MCF2L2: variants seen among roughly 807,000 people sequenced by gnomAD.
The protein encoded by MCF2L2 is MCF.2 cell line derived transforming sequence-like 2.
In MCF2L2, 102 loss-of-function variants were observed where a neutral mutation model predicts 150.2. The ratio of observed to expected loss-of-function variants is 0.68; its 90% CI spans 0.58 to 0.80. MCF2L2 has a LOEUF of 0.80. Ranked by LOEUF, MCF2L2 falls within the 30% of genes least tolerant of loss-of-function variation. The pLI is 0.00. For synonymous variants in MCF2L2, 465 were observed against 491.3 expected, an observed-to-expected ratio of 0.95 and a Z score of 0.71; for missense variants, 1,256 against 1,372.8, an observed-to-expected ratio of 0.91 and a Z score of 1.34.
intron 27 of MCF2L2, 132 bp from the exon 28 acceptor site, chr3:183,180,291 G>T: frequency 1.5e-6 from 1 of 681,884 alleles, no homozygotes; most frequent in Non-Finnish European, 2.6e-6. Context: ...CTCTCCAAGG[G>T]CCTGCACTGC....
chr3:183,411,616 CTTTTTTT>C (rs5854983), intron 1 of MCF2L2, among the ~76,000 whole-genome samples: 1 of 142,854 alleles, frequency 7.0e-6, no homozygotes, highest in Non-Finnish European at 1.5e-5. Flanking sequence ...CTACTTGAAG[CTTTTTTT>C]TTTTTTTAAT....
intron 19 of MCF2L2, among the ~76,000 whole-genome samples, chr3:183,223,773 CAG>C (rs1337052296): frequency 1.3e-5 from 2 of 152,152 alleles, no homozygotes; most frequent in African/African-American, 4.8e-5. Flanking sequence ...TGGGGGCTGC[CAG>C]AGTCTATTCA....
Position 183,234,448 on chromosome 3 carries a change from G to C in MCF2L2, c.1863-3431C>G, listed in dbSNP as rs147851428. 7.2e-3 allele frequency among the ~76,000 whole-genome samples: 1,098 copies of C among 152,098 alleles called. 7 individuals are homozygous for C. Among genetic ancestry groups the C allele is most frequent in the Non-Finnish European group, 9.8e-3 (663 of 67,992 alleles). On this transcript the variant is annotated intron_variant, in intron 15 of 29. Coordinates refer to ENST00000328913, the MANE Select transcript of MCF2L2 (RefSeq NM_015078.4). Reference sequence around the variant, plus strand: ...TTGGTCATATTCTGGATTACAGTTTGGAAAAAAAGTCTAGAAATCTCATCC... The same window carrying C: ...TTGGTCATATTCTGGATTACAGTTTCGAAAAAAAGTCTAGAAATCTCATCC...
intron 3 of MCF2L2, among the ~76,000 whole-genome samples, chr3:183,342,555 A>C (rs910186125): frequency 6.6e-6 from 1 of 150,644 alleles, no homozygotes; most frequent in African/African-American, 2.4e-5. Flanking sequence ...AGTTTCTCAG[A>C]CTCTTCGTTT....
rs182935230 is a variant in MCF2L2 at position 183,342,423 on chromosome 3, C to T, written c.276-793G>A. ...TCTCTGTAAAATGAGAATCATATTACCAGTAATGAGATGGTTAAAAGCACA... is the reference window on the plus strand; with the variant it reads ...TCTCTGTAAAATGAGAATCATATTATCAGTAATGAGATGGTTAAAAGCACA... On this transcript the variant is annotated intron_variant, in intron 3 of 29. Transcript: ENST00000328913. 1.1e-4 allele frequency among the ~76,000 whole-genome samples: 17 copies of T among 152,068 alleles called. No individual in the cohort carries two copies. In the East Asian group the frequency reaches 2.9e-3, roughly 26 times the overall value.
intron 3 of MCF2L2, among the ~76,000 whole-genome samples, chr3:183,343,624 T>C (rs937087130): frequency 6.6e-6 from 1 of 151,782 alleles, no homozygotes; most frequent in African/African-American, 2.4e-5. Flanking sequence ...CCCACCTCAA[T>C]CCCCAAAGTG....
rs374988342 is a variant in MCF2L2, at chr3:183,201,982, C to T, written c.2884+3894G>A. On this transcript the variant is annotated intron_variant, in intron 25 of 29. Coordinates refer to ENST00000328913, the MANE Select transcript of MCF2L2 (RefSeq NM_015078.4). ...GGAAAATGGCTGTGTCTCAGTATGA[C>T]TAATGAGCTTTTTAACTTGCCCTAT... is the stretch of plus-strand genomic sequence containing the variant. 3.3e-5 allele frequency among the ~76,000 whole-genome samples: 5 copies of T among 152,258 alleles called. No individual in the cohort carries two copies. In the South Asian group the frequency reaches 6.2e-4, roughly 19 times the overall value.
intron 5 of MCF2L2, 85 bp from the exon 6 acceptor site, chr3:183,323,436 A>G: frequency 5.5e-6 from 3 of 545,832 alleles, no homozygotes; most frequent in Non-Finnish European, 9.3e-6. Context: ...TCATAATTAT[A>G]TTTTATATTC....
intron 10 of MCF2L2, among the ~76,000 whole-genome samples, chr3:183,307,329 G>A (rs916547164): frequency 6.6e-6 from 1 of 152,190 alleles, no homozygotes; most frequent in African/African-American, 2.4e-5. Flanking sequence ...ATCTGAAGAA[G>A]CCATGTGTCT....
At chr3:183,303,980 GT>G (rs1728979712) in intron 10 of MCF2L2, among the ~76,000 whole-genome samples, 1 of 152,028 alleles carries the variant, frequency 6.6e-6, no homozygotes, top group African/African-American at 2.4e-5. Flanking sequence ...TCCACTTATT[GT>G]TCCCCAAATA....
At chr3:183,246,964 C>CAAG (rs1724287315) in intron 15 of MCF2L2, among the ~76,000 whole-genome samples, 1 of 152,184 alleles carries the variant, frequency 6.6e-6, no homozygotes, top group African/African-American at 2.4e-5. Context: ...AAATCCCTAA[C>CAAG]AAGAACTCCT....
chr3:183,335,412 A>C (rs1730437188), intron 5 of MCF2L2, among the ~76,000 whole-genome samples: 1 of 152,224 alleles, frequency 6.6e-6, no homozygotes, highest in Non-Finnish European at 1.5e-5. Context: ...TTCTAAACAT[A>C]CATATACACT....
At chr3:183,403,583 C>A (rs1480152887) in intron 1 of MCF2L2, among the ~76,000 whole-genome samples, 2 of 152,196 alleles carry the variant, frequency 1.3e-5, no homozygotes, top group Non-Finnish European at 1.5e-5. Context: ...GGGCTGGCAC[C>A]TTTGTGGATC....
intron 15 of MCF2L2, among the ~76,000 whole-genome samples, chr3:183,259,185 T>C (rs1190546525): frequency 6.6e-6 from 1 of 152,190 alleles, no homozygotes; most frequent in Admixed American, 6.5e-5. Flanking sequence ...TTAGTCAGTT[T>C]TTCTGGGGCA....
intron 3 of MCF2L2, among the ~76,000 whole-genome samples, chr3:183,360,228 T>C (rs1232061067): frequency 6.6e-6 from 1 of 152,120 alleles, no homozygotes; most frequent in East Asian, 1.9e-4. Context: ...AAACCCACTG[T>C]TAATGAGGCA....
chr3:183,361,718 C>G (rs1322128197), intron 3 of MCF2L2, among the ~76,000 whole-genome samples: 1 of 152,204 alleles, frequency 6.6e-6, no homozygotes, highest in Non-Finnish European at 1.5e-5. Context: ...TACAGTTACT[C>G]TGAACACATT....
intron 1 of MCF2L2, among the ~76,000 whole-genome samples, chr3:183,414,451 G>A (rs751742179): frequency 6.6e-6 from 1 of 151,948 alleles, no homozygotes; most frequent in Middle Eastern, 3.4e-3. Flanking sequence ...AGTCATTTAC[G>A]CCTTCTCTTT....
Position 183,401,418 on chromosome 3 carries a change from T to A in MCF2L2, c.77-11639A>T, listed in dbSNP as rs573205702. Reference sequence around the variant, plus strand: ...CCAACAAGAAACTGGAAGACTTTTTTAAAAAAAAAATTTTTTTAAAGGTTT... The same window carrying A: ...CCAACAAGAAACTGGAAGACTTTTTAAAAAAAAAAATTTTTTTAAAGGTTT... On this transcript the variant is annotated intron_variant, in intron 1 of 29. Coordinates refer to ENST00000328913, the MANE Select transcript of MCF2L2 (RefSeq NM_015078.4). Among the ~76,000 whole-genome samples, 931 of 151,778 alleles carry A rather than the reference T, an allele frequency of 6.1e-3. 7 individuals carry two copies. The highest frequency in any genetic ancestry group is 0.019 in the African/African-American group (804 of 41,440).
rs1721461453 is a variant in MCF2L2, at chr3:183,179,979, G to A, written c.3105+92C>T. ...TTATGGGTGAGAATCCTGAGGAGGG[G>A]GAGAGGGATGGAGGCTAGGGACAGG... On this transcript the variant is annotated intron_variant, in intron 28 of 29. Transcript: ENST00000328913. The surrounding 1 kb of genome is among the most constrained non-coding windows in gnomAD (Gnocchi z 4.2). 2.9e-6 allele frequency: 3 copies of A among 1,034,696 alleles called. No individual in the cohort carries two copies. Among genetic ancestry groups the A allele is most frequent in the Middle Eastern group, 2.1e-4 (1 of 4,666 alleles). 64.1% of individuals were successfully genotyped at this position (1,034,696 alleles called of 1,614,324 possible).
Sources: gnomAD v4.1 joint callset for allele counts (sites outside exome capture counted in the v4.1 genomes callset) on GRCh38, gnomAD v4.1.1 for gene constraint, Gnocchi (gnomAD v3.1) non-coding constraint, MANE v1.5 for transcripts, NCBI Gene and HGNC (gene_info 2026-07-23, HGNC 2026-07-21) for gene names.